The following SNTG2 variants were observed in gnomAD, a reference collection of about 807,000 sequenced individuals.
SNTG2 encodes the protein syntrophin gamma 2.
Under a neutral mutation model 70.9 loss-of-function variants are expected in SNTG2, and 74 were observed. That is an observed-to-expected ratio of 1.04 (90% CI 0.86 to 1.27). The LOEUF (loss-of-function observed/expected upper bound fraction) is 1.27, where lower values mean the gene tolerates loss of function less well. SNTG2 is among the 50% of genes most tolerant of loss of function. The probability of loss-of-function intolerance (pLI) is 0.00; values close to 1 mark genes in which losing one functional copy is unlikely to be tolerated. For synonymous variants in SNTG2, 278 were observed against 273.8 expected (o/e 1.02, Z -0.15); for missense variants, 717 against 690.7 (o/e 1.04, Z -0.43).
chr2:1,093,068 T>G (rs971202185), intron 2 of SNTG2, among the ~76,000 whole-genome samples: 6 of 152,176 alleles, frequency 3.9e-5, no homozygotes, highest in African/African-American at 1.4e-4. Context: ...ATTTGTTCCT[T>G]TGGTGAGTCC....
chr2:1,156,430 G>C (rs1669901541), intron 6 of SNTG2, among the ~76,000 whole-genome samples: 1 of 152,168 alleles, frequency 6.6e-6, no homozygotes, highest in South Asian at 2.1e-4. Context: ...AACAGGTGGA[G>C]GCTTCAGTGA....
At chr2:1,068,861 T>A (rs1341091166) in intron 1 of SNTG2, among the ~76,000 whole-genome samples, 2 of 152,238 alleles carry the variant, frequency 1.3e-5, no homozygotes, top group African/African-American at 4.8e-5. Flanking sequence ...AGCTTTCTAA[T>A]CATTCAGAGA....
At chr2:1,104,252 A>T (rs977567743) in intron 4 of SNTG2, among the ~76,000 whole-genome samples, 11 of 152,062 alleles carry the variant, frequency 7.2e-5, no homozygotes, top group African/African-American at 2.7e-4. Context: ...TTTATTCTTT[A>T]CTTTTACACA....
At chr2:1,059,136 C>T (rs560869828) in intron 1 of SNTG2, 1 of 152,352 alleles carries the variant, frequency 6.6e-6, no homozygotes, top group South Asian at 2.1e-4. Flanking sequence ...TCTTGCAGTG[C>T]CCTTTGCTTA....
At chr2:1,179,218 C>A (rs529059781) in intron 8 of SNTG2, among the ~76,000 whole-genome samples, 12 of 152,028 alleles carry the variant, frequency 7.9e-5, no homozygotes, top group Admixed American at 2.6e-4. Flanking sequence ...GTCTTGCTAG[C>A]GGTCTATCAA....
At position 1,237,914 on chromosome 2, in the gene SNTG2, T is replaced by C. The variant is rs907882011; in HGVS notation, c.746T>C (p.Leu249Pro). Residue 249 changes from leucine to proline, a missense_variant, in exon 10 of 17, where the codon CTG (leucine) becomes CCG (proline). Coordinates refer to ENST00000308624, the MANE Select transcript of SNTG2 (RefSeq NM_018968.4). The part of the protein sequence containing the change: ...LRWNAFEVLA[L>P]DGVSSGILRF... ...TGGAATGCGTTCGAGGTGCTCGCCCTGGACGGAGTCAGCTCTGGGATCCTC... is the reference window on the plus strand; with the variant it reads ...TGGAATGCGTTCGAGGTGCTCGCCCCGGACGGAGTCAGCTCTGGGATCCTC... 1.2e-6 allele frequency: 2 copies of C among 1,606,038 alleles called. No individual in the cohort carries two copies. The highest frequency in any genetic ancestry group is 2.7e-5 in the African/African-American group (2 of 74,860).
At chr2:1,079,410 A>G (rs1269102889) in intron 1 of SNTG2, among the ~76,000 whole-genome samples, 2 of 152,252 alleles carry the variant, frequency 1.3e-5, no homozygotes, top group Non-Finnish European at 1.5e-5. Flanking sequence ...ATAAATTGCA[A>G]CTTTGATTTG....
At chr2:1,124,701 A>G (rs1404317594) in intron 4 of SNTG2, among the ~76,000 whole-genome samples, 1 of 152,168 alleles carries the variant, frequency 6.6e-6, no homozygotes, top group Non-Finnish European at 1.5e-5. Flanking sequence ...GGGAAATACC[A>G]CATGACCTCA....
chr2:1,333,319 A>G (rs749648470), intron 16 of SNTG2, among the ~76,000 whole-genome samples: 2 of 152,216 alleles, frequency 1.3e-5, no homozygotes, highest in Non-Finnish European at 2.9e-5. Context: ...ACAAATGGAA[A>G]CACATCTCAT....
In SNTG2 at chr2:1,127,114, T is replaced by C. The variant is rs533649388; in HGVS notation, c.326-10508T>C. Among the ~76,000 whole-genome samples the C allele has an allele frequency of 4.5e-5, 3 of 66,484 alleles. No individual in the cohort carries two copies. The East Asian group carries it at 1.4e-3, about 31-fold the overall frequency. 43.6% of individuals were successfully genotyped at this position (66,484 alleles called of 152,430 possible). A position where few individuals can be genotyped will look rare whatever the true frequency, so the allele number is the denominator to read the frequency against. ...TTGGGTCTTACATTTAGATCTTTGA[T>C]CTATTTTGAGTTGATTTTTTTATAC... On this transcript the variant is annotated intron_variant, in intron 4 of 16. Coordinates refer to ENST00000308624, the MANE Select transcript of SNTG2 (RefSeq NM_018968.4).
intron 6 of SNTG2, among the ~76,000 whole-genome samples, chr2:1,150,639 A>G (rs1669417528): frequency 6.6e-6 from 1 of 152,188 alleles, no homozygotes; most frequent in African/African-American, 2.4e-5. Flanking sequence ...ACAAAAGTAA[A>G]GGGGCATCCT....
chr2:1,104,051 G>A (rs1187406162), intron 4 of SNTG2, among the ~76,000 whole-genome samples: 1 of 152,144 alleles, frequency 6.6e-6, no homozygotes, highest in Non-Finnish European at 1.5e-5. Context: ...TGATGACTAG[G>A]ATTTTCATTC....
At chr2:1,019,875 T>C (rs553418284) in intron 1 of SNTG2, among the ~76,000 whole-genome samples, 1 of 152,074 alleles carries the variant, frequency 6.6e-6, no homozygotes, top group African/African-American at 2.4e-5. Flanking sequence ...AAACCCCGTC[T>C]CTACAAAAAA....
chr2:996,903 C>A (rs1265082739), intron 1 of SNTG2, among the ~76,000 whole-genome samples: 1 of 151,750 alleles, frequency 6.6e-6, no homozygotes, highest in African/African-American at 2.4e-5. Context: ...ATCAACAAAG[C>A]CAAAACTATT....
At chr2:1,193,724 A>G (rs2147946551) in intron 8 of SNTG2, among the ~76,000 whole-genome samples, 1 of 152,374 alleles carries the variant, frequency 6.6e-6, no homozygotes, top group African/African-American at 2.4e-5. Context: ...AGCAAAGGGC[A>G]GAAGTAAATT....
intron 16 of SNTG2, among the ~76,000 whole-genome samples, chr2:1,329,780 T>C (rs1388441000): frequency 1.3e-5 from 2 of 152,164 alleles, no homozygotes; most frequent in South Asian, 2.1e-4. Context: ...TTGACGCTTA[T>C]TGACGAGTGT....
chr2:1,083,117 A>G (rs1405781927), intron 1 of SNTG2, among the ~76,000 whole-genome samples: 2 of 151,960 alleles, frequency 1.3e-5, no homozygotes, highest in East Asian at 1.9e-4. Flanking sequence ...ACAAACCTTC[A>G]CACAGATATT....
chr2:1,100,267 A>G (rs574416589), intron 4 of SNTG2, among the ~76,000 whole-genome samples: 2 of 151,950 alleles, frequency 1.3e-5, no homozygotes, highest in Non-Finnish European at 2.9e-5. Context: ...CCCAGGTTCA[A>G]GCGATTCTTC....
At chr2:1,178,061 A>G (rs929354880) in intron 8 of SNTG2, among the ~76,000 whole-genome samples, 1 of 152,084 alleles carries the variant, frequency 6.6e-6, no homozygotes, top group African/African-American at 2.4e-5. Flanking sequence ...ATAGATGAAA[A>G]TTTTTTAAAA....
Sources: gnomAD v4.1 joint callset for allele counts (sites outside exome capture counted in the v4.1 genomes callset) on GRCh38, gnomAD v4.1.1 for gene constraint, MANE v1.5 for transcripts, NCBI Gene and HGNC (gene_info 2026-07-23, HGNC 2026-07-21) for gene names.